The following TMEM114 variants were observed in gnomAD, a reference collection of about 807,000 sequenced individuals.
The protein encoded by TMEM114 is claudin-26.
Under a neutral mutation model 6.2 loss-of-function variants are expected in TMEM114, and 6 were observed. That is an observed-to-expected ratio of 0.97 (90% confidence interval 0.53 to 1.91). The LOEUF (loss-of-function observed/expected upper bound fraction) is 1.91. Ranked by LOEUF, TMEM114 falls within the 40% of genes most tolerant of loss-of-function variation. The pLI is 0.01. For missense variants in TMEM114, 218 were observed against 158.3 expected (o/e 1.38, Z -2.02); for synonymous variants, 104 against 73.0 (o/e 1.42, Z -2.16).
Position 8,582,003 on chromosome 16 carries a change from C to T in TMEM114, c.301+7210G>A, listed in dbSNP as rs9926568. On this transcript the variant is annotated intron_variant, in intron 2 of 3. Coordinates refer to ENST00000620492, the MANE Select transcript of TMEM114 (RefSeq NM_001146336.2). ...GTCCCCATCCTTGCTCTGTCCCTCA[C>T]CTCCTCCACTCTTGCAATTTGCACC... Among the ~76,000 whole-genome samples the T allele has an allele frequency of 3.6e-3, 545 of 152,328 alleles. 1 individual carries two copies. Among genetic ancestry groups the T allele is most frequent in the Middle Eastern group, 0.014 (4 of 294 alleles).
intron 2 of TMEM114, among the ~76,000 whole-genome samples, chr16:8,560,778 C>A (rs907452114): frequency 2.6e-5 from 4 of 152,170 alleles, no homozygotes; most frequent in Non-Finnish European, 2.9e-5. Context: ...CAACGTTCAC[C>A]TCCAGGAGAA....
chr16:8,526,932 G>T, the TMEM114 span, among the ~76,000 whole-genome samples: 1 of 152,210 alleles, frequency 6.6e-6, no homozygotes, highest in Non-Finnish European at 1.5e-5. Flanking sequence ...AGTAGGTGGG[G>T]CACGGTGGCT....
intron 2 of TMEM114, among the ~76,000 whole-genome samples, chr16:8,576,704 C>CAGGAAGGAAGGAAGGA (rs71396282): frequency 7.7e-5 from 10 of 129,428 alleles, no homozygotes; most frequent in Non-Finnish European, 9.8e-5. Context: ...TGAATGAGAG[C>CAGGAAGGAAGGAAGGA]AGGAAGGAAG....
intron 2 of TMEM114, among the ~76,000 whole-genome samples, chr16:8,547,168 A>T (rs1203171175): frequency 6.6e-6 from 1 of 152,116 alleles, no homozygotes; most frequent in East Asian, 1.9e-4. Flanking sequence ...GTCGTCAAGG[A>T]ATTTTTGAGC....
chr16:8,572,127 G>A lies in TMEM114; in HGVS notation c.399C>T (p.Tyr133=). The A allele has an allele frequency of 6.4e-7, 1 of 1,551,516 alleles. No individual in the cohort carries two copies. The part of the protein sequence containing the change: ...TGFLSFLLQA[Y]LLLLLTGILF... ...GAATTCCAGTGAGCAGGAGGAGGAG[G>A]TAGGCTTGGAGGAGGAAGCTCAGAA... The change falls in exon 3 of 4, where the codon TAC becomes TAT. Residue 133 remains tyrosine (Y), a synonymous_variant. Transcript: ENST00000620492.
At chr16:8,558,744 T>G (rs1901098532) in intron 2 of TMEM114, among the ~76,000 whole-genome samples, 1 of 123,162 alleles carries the variant, frequency 8.1e-6, no homozygotes. Context: ...TGCACCCAGT[T>G]CTTTTTTTTT....
chr16:8,547,281 G>A (rs1057335558), intron 2 of TMEM114, among the ~76,000 whole-genome samples: 4 of 152,156 alleles, frequency 2.6e-5, no homozygotes, highest in East Asian at 1.9e-4. Context: ...TTTCTCCAAA[G>A]GGGTTAAGCA....
intron 2 of TMEM114, among the ~76,000 whole-genome samples, chr16:8,555,509 A>C (rs1358624692): frequency 1.3e-5 from 2 of 152,168 alleles, no homozygotes; most frequent in African/African-American, 2.4e-5. Context: ...GGCAAGGGGC[A>C]GTAATTTCTG....
At chr16:8,565,066 T>C (rs1400388871), downstream of TMEM114, among the ~76,000 whole-genome samples, 2 of 150,762 alleles carry the variant, frequency 1.3e-5, no homozygotes, top group African/African-American at 5.0e-5. Flanking sequence ...AGTGAGTGAA[T>C]GAGTGAGTGA....
At chr16:8,550,772 T>G (rs1453744529) in intron 2 of TMEM114, among the ~76,000 whole-genome samples, 1 of 151,504 alleles carries the variant, frequency 6.6e-6, no homozygotes, top group Non-Finnish European at 1.5e-5. Flanking sequence ...CTCTGAATGT[T>G]CACCTCCTGC....
At chr16:8,557,803 T>G (rs1420748836) in intron 2 of TMEM114, among the ~76,000 whole-genome samples, 3 of 152,208 alleles carry the variant, frequency 2.0e-5, no homozygotes, top group Middle Eastern at 3.2e-3. Flanking sequence ...CATCATCATC[T>G]GGTAACGTGA....
intron 1 of TMEM114, 84 bp downstream of exon 1, chr16:8,589,535 G>T: frequency 5.0e-6 from 2 of 398,388 alleles, no homozygotes; most frequent in Non-Finnish European, 8.8e-6. Context: ...AGGAGTGCGC[G>T]CCAAGCAACA....
intron 2 of TMEM114, among the ~76,000 whole-genome samples, chr16:8,563,059 GAGTA>G (rs1567202681): frequency 0.12 from 4,001 of 33,406 alleles, 524 homozygotes; most frequent in Non-Finnish European, 0.14. Context: ...TTGAGTGAAT[GAGTA>G]AGTGAATGAG....
the TMEM114 span, chr16:8,531,859 A>G: frequency 6.6e-6 from 1 of 152,220 alleles, no homozygotes; most frequent in Admixed American, 6.5e-5. Context: ...AAGGGATGTA[A>G]AATTCTTTGT....
downstream of TMEM114, among the ~76,000 whole-genome samples, chr16:8,534,620 G>A (rs1900303843): frequency 6.6e-6 from 1 of 152,306 alleles, no homozygotes; most frequent in African/African-American, 2.4e-5. Context: ...CAAGTGCTTG[G>A]TGGGGGTGCT....
chr16:8,529,685 A>G, the TMEM114 span, among the ~76,000 whole-genome samples: 1 of 151,930 alleles, frequency 6.6e-6, no homozygotes, highest in South Asian at 2.1e-4. Context: ...GCTTACTAGT[A>G]GTTCTGAATC....
At chr16:8,527,778 C>T in the TMEM114 span, among the ~76,000 whole-genome samples, 4 of 152,212 alleles carry the variant, frequency 2.6e-5, no homozygotes, top group Non-Finnish European at 5.9e-5. Flanking sequence ...GATTCTAAAT[C>T]CACACCATGA....
In TMEM114 at chr16:8,569,850, C is replaced by A; in HGVS notation, c.595G>T (p.Glu199Ter). 6.4e-7 allele frequency: 1 copy of A among 1,551,006 alleles called. No individual in the cohort carries two copies. Among genetic ancestry groups the A allele is most frequent in the Non-Finnish European group, 8.7e-7 (1 of 1,146,954 alleles). The change falls in exon 4 of 4, where the codon GAG becomes TAG. Residue 199 changes from glutamate to a stop codon, truncating the protein, a stop_gained. Coordinates refer to ENST00000620492, the MANE Select transcript of TMEM114 (RefSeq NM_001146336.2). LOFTEE classifies it high-confidence loss of function. ...LALGWISFIAELLTGAAFLAA... is the reference protein window; with the variant it reads ...LALGWISFIA Reference sequence around the variant, plus strand: ...AGGAAGGCTGCCCCGGTGAGCAGCTCGGCGATGAAGCTGATCCAGCCCAGG... The same window carrying A: ...AGGAAGGCTGCCCCGGTGAGCAGCTAGGCGATGAAGCTGATCCAGCCCAGG...
chr16:8,569,463 G>A (rs925949687), downstream of TMEM114: 9 of 1,202,916 alleles, frequency 7.5e-6, no homozygotes, highest in African/African-American at 1.4e-4. Flanking sequence ...TGAAGTCGGA[G>A]GGGGCGTGAG....
Sources: gnomAD v4.1 joint callset for allele counts (sites outside exome capture counted in the v4.1 genomes callset) on GRCh38, gnomAD v4.1.1 for gene constraint, MANE v1.5 for transcripts, NCBI Gene and HGNC (gene_info 2026-07-23, HGNC 2026-07-21) for gene names.